EFCAB5: variants seen among roughly 807,000 people sequenced by gnomAD.
EFCAB5 encodes EF-hand calcium-binding domain-containing protein 5.
EFCAB5 carries 131 observed loss-of-function variants against 167.9 expected under a neutral mutation model. The ratio of observed to expected loss-of-function variants is 0.78; its 90% CI spans 0.68 to 0.90. The LOEUF (loss-of-function observed/expected upper bound fraction) is 0.90. Among genes scored for constraint, EFCAB5 ranks in the 40% least tolerant of loss-of-function variants. The pLI is 0.00. For synonymous variants in EFCAB5, 574 were observed against 602.8 expected (o/e 0.95, Z 0.70); for missense variants, 1,663 against 1,745.2 (o/e 0.95, Z 0.84).
intron 4 of EFCAB5, among the ~76,000 whole-genome samples, chr17:29,979,981 C>T (rs988460550): frequency 5.9e-5 from 9 of 152,142 alleles, no homozygotes; most frequent in Non-Finnish European, 8.8e-5. Context: ...GCAGCCTGAC[C>T]AACATGGTGA....
chr17:30,091,989 C>G lies in EFCAB5; in HGVS notation c.4056C>G (p.Leu1352=), dbSNP rs1290851546. The G allele has an allele frequency of 6.2e-7, 1 of 1,613,970 alleles. No homozygotes were observed. Among genetic ancestry groups the G allele is most frequent in the Non-Finnish European group, 8.5e-7 (1 of 1,179,874 alleles). The change falls in exon 21 of 23, where the codon CTC becomes CTG. Residue 1352 remains leucine (L), a synonymous_variant. Transcript: ENST00000394835. ...LNSMEFVSLL[L]YDHTLVTEPN... ...CCATGGAATTTGTGTCACTGTTGCT[C>G]TATGACCATACTCTTGTAACAGAGC...
At chr17:29,993,981 G>A (rs2068478771) in intron 5 of EFCAB5, among the ~76,000 whole-genome samples, 1 of 150,888 alleles carries the variant, frequency 6.6e-6, no homozygotes, top group Non-Finnish European at 1.5e-5. Flanking sequence ...TATCCAGGCT[G>A]TGGTTCCAGC....
In EFCAB5 at chr17:30,053,798, A is replaced by G. The variant is rs746197298; in HGVS notation, c.1844A>G (p.Glu615Gly). 19 of 1,613,870 alleles carry G rather than the reference A, an allele frequency of 1.2e-5. No individual in the cohort carries two copies. The highest frequency in any genetic ancestry group is 1.6e-5 in the Non-Finnish European group (19 of 1,179,892). Residue 615 changes from glutamate (E) to glycine (G), a missense_variant, in exon 10 of 23, where the codon GAA becomes GGA. Glu to Gly is a moderately conservative substitution (Grantham distance 98, BLOSUM62 -2). Coordinates refer to ENST00000394835, the MANE Select transcript of EFCAB5 (RefSeq NM_198529.4). ...EQGSRRESIAEQDRHKGSVAE... is the reference protein window; with the variant it reads ...EQGSRRESIAGQDRHKGSVAE... ...GGGTCACGCAGAGAGTCTATTGCAG[A>G]ACAAGATCGACACAAAGGGTCAGTA... is the stretch of plus-strand genomic sequence containing the variant.
chr17:30,089,144 A>G (rs763008398), intron 19 of EFCAB5, among the ~76,000 whole-genome samples: 1 of 151,792 alleles, frequency 6.6e-6, no homozygotes, highest in Non-Finnish European at 1.5e-5. Flanking sequence ...CCTGTGTCCA[A>G]GTGTTCTCAT....
chr17:30,090,043 C>T (rs913924271), intron 19 of EFCAB5, among the ~76,000 whole-genome samples: 11 of 152,186 alleles, frequency 7.2e-5, no homozygotes, highest in African/African-American at 2.7e-4. Context: ...TCTAGGGAAC[C>T]CGACCTAACA....
At chr17:30,016,607 A>C (rs910534318) in intron 7 of EFCAB5, among the ~76,000 whole-genome samples, 5 of 152,208 alleles carry the variant, frequency 3.3e-5, no homozygotes, top group African/African-American at 1.2e-4. Context: ...CATTGACAAT[A>C]GGCCACAAAG....
At chr17:29,963,623 C>A (rs2067766670) in intron 3 of EFCAB5, among the ~76,000 whole-genome samples, 1 of 152,166 alleles carries the variant, frequency 6.6e-6, no homozygotes, top group Non-Finnish European at 1.5e-5. Context: ...GAGTTCATTT[C>A]AATTCTTCTT....
chr17:29,973,254 C>T (rs1567688242), intron 4 of EFCAB5, among the ~76,000 whole-genome samples: 1 of 152,154 alleles, frequency 6.6e-6, no homozygotes, highest in South Asian at 2.1e-4. Context: ...TGTATCTTAG[C>T]CAGCACAAGA....
chr17:29,984,499 C>T (rs2068240971), intron 4 of EFCAB5, among the ~76,000 whole-genome samples: 1 of 152,026 alleles, frequency 6.6e-6, no homozygotes, highest in Admixed American at 6.6e-5. Context: ...GTGAGCGGAT[C>T]ACGAGGTCAG....
intron 3 of EFCAB5, 60 bp from the exon 4 acceptor site, chr17:29,968,731 G>C: frequency 7.5e-7 from 1 of 1,327,982 alleles, no homozygotes; most frequent in South Asian, 1.8e-5. Context: ...TTATTCTAAA[G>C]TCACATAGAT....
At chr17:29,933,384 G>A (rs780353080) in intron 1 of EFCAB5, among the ~76,000 whole-genome samples, 1 of 152,196 alleles carries the variant, frequency 6.6e-6, no homozygotes, top group Non-Finnish European at 1.5e-5. Flanking sequence ...TCTATGCTTT[G>A]TGCCCCATTT....
chr17:30,069,583 C>T, intron 14 of EFCAB5: 1 of 1,613,334 alleles, frequency 6.2e-7, no homozygotes, highest in Non-Finnish European at 8.5e-7. Flanking sequence ...TCCTCTTCTT[C>T]CTCGTGATGT....
At chr17:30,016,196 CTGAAGCACAAAAGTTTTAAATTTTTA>C (rs1488611332) in intron 7 of EFCAB5, among the ~76,000 whole-genome samples, 15 of 152,156 alleles carry the variant, frequency 9.9e-5, no homozygotes, top group African/African-American at 2.2e-4. Flanking sequence ...ATGGTGTTAT[CTGAAGCACAAAAGTTTTAAATTTTTA>C]TGAAGCACAA....
At chr17:30,076,688 C>T (rs925792234) in intron 14 of EFCAB5, among the ~76,000 whole-genome samples, 5 of 152,174 alleles carry the variant, frequency 3.3e-5, no homozygotes, top group Non-Finnish European at 7.3e-5. Context: ...GGGTACATAC[C>T]CTGTGACTTA....
intron 7 of EFCAB5, among the ~76,000 whole-genome samples, chr17:30,022,867 T>A (rs1007256343): frequency 2.0e-5 from 3 of 151,970 alleles, no homozygotes; most frequent in Non-Finnish European, 2.9e-5. Context: ...GAACTCAGGA[T>A]TAAGAAACTC....
At chr17:30,050,610 G>T (rs116271836) in intron 8 of EFCAB5, among the ~76,000 whole-genome samples, 27 of 152,126 alleles carry the variant, frequency 1.8e-4, no homozygotes, top group African/African-American at 6.5e-4. Flanking sequence ...TTTATTTTTT[G>T]AAGCAATGGA....
chr17:29,949,472 C>T (rs886551509), intron 3 of EFCAB5, among the ~76,000 whole-genome samples: 3 of 152,122 alleles, frequency 2.0e-5, no homozygotes, highest in East Asian at 1.9e-4. Flanking sequence ...GTGCCTGGCA[C>T]GCAGTGAGAA....
At chr17:30,074,701 T>C (rs912382426) in intron 14 of EFCAB5, 4 of 152,224 alleles carry the variant, frequency 2.6e-5, no homozygotes, top group African/African-American at 7.2e-5. Flanking sequence ...CCACAGGGTC[T>C]ATATATGTTT....
Position 30,090,625 on chromosome 17 carries a change from T to G in EFCAB5, c.3888T>G (p.Tyr1296Ter), listed in dbSNP as rs776700946. ...TGAAAGTGGTCCAAGTGGCCTGCTA[T>G]GAAATACTTGGCGAGTTCTCTGGAG... The part of the protein sequence containing the change: ...KMMKVVQVAC[Y>*]EILGEFSGEI... Residue 1296 changes from tyrosine to a stop codon, truncating the protein, a stop_gained, in exon 20 of 23, where the codon TAT becomes TAG. Transcript: ENST00000394835. LOFTEE classifies it high-confidence loss of function. 3.7e-6 allele frequency: 6 copies of G among 1,613,782 alleles called. No individual in the cohort carries two copies. The highest frequency in any genetic ancestry group is 4.2e-6 in the Non-Finnish European group (5 of 1,179,874).
Sources: gnomAD v4.1 joint callset for allele counts (sites outside exome capture counted in the v4.1 genomes callset) on GRCh38, gnomAD v4.1.1 for gene constraint, MANE v1.5 for transcripts, NCBI Gene and HGNC (gene_info 2026-07-23, HGNC 2026-07-21) for gene names.